TMEM132B: variants seen among roughly 807,000 people sequenced by gnomAD.
TMEM132B encodes transmembrane protein 132B.
Under a neutral mutation model 90.8 loss-of-function variants are expected in TMEM132B, and 18 were observed. The observed-to-expected ratio is 0.20, with a 90% CI of 0.14 to 0.29. TMEM132B has a LOEUF of 0.29. TMEM132B is among the 10% of genes least tolerant of loss of function. The pLI is 1.00. For synonymous variants in TMEM132B, 504 were observed against 523.3 expected, an observed-to-expected ratio of 0.96 and a Z score of 0.50; for missense variants, 1,096 against 1,326.8, an observed-to-expected ratio of 0.83 and a Z score of 2.70.
Position 125,251,368 on chromosome 12 carries a change from A to G in TMEM132B, c.67+64502A>G, listed in dbSNP as rs1016186767. 6.6e-6 allele frequency among the ~76,000 whole-genome samples: 1 copy of G among 152,190 alleles called. No homozygotes were observed. Among genetic ancestry groups the G allele is most frequent in the African/African-American group, 2.4e-5 (1 of 41,458 alleles). On this transcript the variant is annotated intron_variant, in intron 1 of 8. Coordinates refer to ENST00000682704, the MANE Select transcript of TMEM132B (RefSeq NM_001366854.1). The surrounding 1 kb of genome is among the most constrained non-coding windows in gnomAD (Gnocchi z 4.4). ...GGATGGAAATGTATTTTGCGTCTTG[A>G]GATTTTTCTTCAAGGATGGGGCTTA...
At chr12:125,438,754 A>G (rs575164088) in intron 3 of TMEM132B, among the ~76,000 whole-genome samples, 2 of 140,114 alleles carry the variant, frequency 1.4e-5, no homozygotes, top group Non-Finnish European at 3.0e-5. Flanking sequence ...TTTACTACAG[A>G]GGTACCTTTC....
At chr12:125,222,137 A>C (rs1873572672) in intron 1 of TMEM132B, among the ~76,000 whole-genome samples, 1 of 152,280 alleles carries the variant, frequency 6.6e-6, no homozygotes, top group East Asian at 1.9e-4. Context: ...ACAGCCCCAC[A>C]TCACCTTTAT....
intron 3 of TMEM132B, among the ~76,000 whole-genome samples, chr12:125,470,625 G>A (rs552709231): frequency 2.6e-5 from 4 of 152,186 alleles, no homozygotes; most frequent in South Asian, 2.1e-4. Flanking sequence ...TATCTAGTGG[G>A]TATTCAAGAT....
intron 5 of TMEM132B, among the ~76,000 whole-genome samples, chr12:125,613,487 ACT>A (rs1885913619): frequency 6.6e-6 from 1 of 151,316 alleles, no homozygotes; most frequent in African/African-American, 2.4e-5. Context: ...TTTCTACTTT[ACT>A]CTGTTTCCTG....
chr12:125,567,798 C>T (rs1283551380), intron 4 of TMEM132B, among the ~76,000 whole-genome samples: 7 of 151,734 alleles, frequency 4.6e-5, no homozygotes, highest in African/African-American at 1.2e-4. Flanking sequence ...TTTTTTTTCC[C>T]CCAGGCAACA....
rs75073333 is a variant in TMEM132B, at chr12:125,219,403, C to T, written c.67+32537C>T. Among the ~76,000 whole-genome samples, 965 of 152,272 alleles carry T rather than the reference C, an allele frequency of 6.3e-3. 13 individuals are homozygous for T. Among genetic ancestry groups the T allele is most frequent in the East Asian group, 0.059 (306 of 5,182 alleles). The stretch of plus-strand genomic sequence containing the variant: ...TCCTATTAATCAGAAGGTTGCTTAA[C>T]GATGTGAAAAATCAACTGAAGTGTG... On this transcript the variant is annotated intron_variant, in intron 1 of 8. Coordinates refer to ENST00000682704, the MANE Select transcript of TMEM132B (RefSeq NM_001366854.1).
At chr12:125,523,414 A>T (rs1175331848) in intron 4 of TMEM132B, among the ~76,000 whole-genome samples, 1 of 151,674 alleles carries the variant, frequency 6.6e-6, no homozygotes, top group Non-Finnish European at 1.5e-5. Context: ...ACCTTCTCTG[A>T]GTCTCCTGCT....
chr12:125,364,581 A>G (rs752480007), intron 2 of TMEM132B, among the ~76,000 whole-genome samples: 1 of 152,158 alleles, frequency 6.6e-6, no homozygotes. Flanking sequence ...TTGACTATAG[A>G]GATCAATTTA....
At chr12:125,514,671 G>T (rs1283179412) in intron 3 of TMEM132B, among the ~76,000 whole-genome samples, 1 of 152,182 alleles carries the variant, frequency 6.6e-6, no homozygotes, top group African/African-American at 2.4e-5. Context: ...GACACAACTT[G>T]CTGGAGAACA....
At chr12:125,276,269 G>C (rs553549328) in intron 1 of TMEM132B, among the ~76,000 whole-genome samples, 1 of 152,196 alleles carries the variant, frequency 6.6e-6, no homozygotes, top group Non-Finnish European at 1.5e-5. Context: ...ACCTCGAAGC[G>C]GTCAGACGAC....
chr12:125,508,780 C>CTTTCT (rs1882906258), intron 3 of TMEM132B, among the ~76,000 whole-genome samples: 2 of 135,972 alleles, frequency 1.5e-5, no homozygotes, highest in Non-Finnish European at 3.2e-5. Context: ...TTCTTTCTTT[C>CTTTCT]TTTTTTTTTT....
At chr12:125,322,524 G>A (rs948890150) in intron 1 of TMEM132B, among the ~76,000 whole-genome samples, 1 of 152,172 alleles carries the variant, frequency 6.6e-6, no homozygotes, top group African/African-American at 2.4e-5. Context: ...GTGGGAAGAG[G>A]GATTACCTGT....
At chr12:125,561,838 A>T (rs1248699342) in intron 4 of TMEM132B, among the ~76,000 whole-genome samples, 1 of 152,098 alleles carries the variant, frequency 6.6e-6, no homozygotes, top group Non-Finnish European at 1.5e-5. Flanking sequence ...TAGATTTAGC[A>T]TTATTCTTAA....
chr12:125,464,683 G>A (rs926219994), intron 3 of TMEM132B, among the ~76,000 whole-genome samples: 1 of 152,218 alleles, frequency 6.6e-6, no homozygotes, highest in African/African-American at 2.4e-5. Flanking sequence ...GCATTGTGTG[G>A]TGTGGGGTGC....
chr12:125,334,447 T>G (rs1463777775), intron 1 of TMEM132B, among the ~76,000 whole-genome samples: 1 of 152,206 alleles, frequency 6.6e-6, no homozygotes, highest in South Asian at 2.1e-4. Context: ...GTGCCTTCCT[T>G]TTCAGCGGTT....
In TMEM132B at chr12:125,458,824, A is replaced by ATG. The variant is rs1178781598; in HGVS notation, c.1106+43147_1106+43148insTG. Among the ~76,000 whole-genome samples the ATG allele has an allele frequency of 1.3e-5, 2 of 152,230 alleles. No homozygotes were observed. Among genetic ancestry groups the ATG allele is most frequent in the African/African-American group, 4.8e-5 (2 of 41,458 alleles). ...GGGTCCTGTACACAAAAGGCACCAC[A>ATG]ACAGGAGAATGAGTCCTGTCATCAC... is the stretch of plus-strand genomic sequence containing the variant. On this transcript the variant is annotated intron_variant, in intron 3 of 8. Coordinates refer to ENST00000682704, the MANE Select transcript of TMEM132B (RefSeq NM_001366854.1). This position sits in a 1 kb window ranked among gnomAD's most constrained non-coding sequence, Gnocchi z 4.9.
At chr12:125,373,645 G>T (rs1040335419) in intron 2 of TMEM132B, among the ~76,000 whole-genome samples, 15 of 152,098 alleles carry the variant, frequency 9.9e-5, no homozygotes, top group African/African-American at 3.1e-4. Context: ...GTAGTGCCCT[G>T]CAATGGAAAG....
At chr12:125,312,103 A>G (rs1212324886) in intron 1 of TMEM132B, among the ~76,000 whole-genome samples, 5 of 152,190 alleles carry the variant, frequency 3.3e-5, no homozygotes, top group African/African-American at 4.8e-5. Flanking sequence ...ATCATATGAG[A>G]GTATAGGTCT....
At chr12:125,483,498 T>C (rs553878231) in intron 3 of TMEM132B, among the ~76,000 whole-genome samples, 1 of 151,390 alleles carries the variant, frequency 6.6e-6, no homozygotes, top group Admixed American at 6.6e-5. Flanking sequence ...TGTTAATTGG[T>C]TGAGTTATTT....
Sources: allele counts gnomAD v4.1 joint callset (sites outside exome capture counted in the v4.1 genomes callset), GRCh38; gene constraint gnomAD v4.1.1; non-coding constraint Gnocchi (gnomAD v3.1); transcripts MANE v1.5; gene names NCBI Gene and HGNC (gene_info 2026-07-23, HGNC 2026-07-21).